Variants in SLC44A1 observed in about 807,000 individuals in gnomAD.
SLC44A1 encodes the protein solute carrier family 44 member 1.
Under a neutral mutation model 79.3 loss-of-function variants are expected in SLC44A1, and 26 were observed. The ratio of observed to expected loss-of-function variants is 0.33; its 90% CI spans 0.24 to 0.46. SLC44A1 has a LOEUF of 0.46. Among genes scored for constraint, SLC44A1 ranks in the 20% least tolerant of loss-of-function variants. The pLI is 1.00. For missense variants in SLC44A1, 688 were observed against 798.1 expected, an observed-to-expected ratio of 0.86 and a Z score of 1.66; for synonymous variants, 263 against 286.2, an observed-to-expected ratio of 0.92 and a Z score of 0.82.
At chr9:105,299,061 C>T (rs972728525) in intron 1 of SLC44A1, among the ~76,000 whole-genome samples, 159 bp from the exon 2 acceptor site, 2 of 152,142 alleles carry the variant, frequency 1.3e-5, no homozygotes, top group South Asian at 2.1e-4. Context: ...TTAGCATAAA[C>T]GTCACAGAAA....
At chr9:105,295,896 A>G (rs1830710721) in intron 1 of SLC44A1, among the ~76,000 whole-genome samples, 1 of 152,188 alleles carries the variant, frequency 6.6e-6, no homozygotes, top group Admixed American at 6.5e-5. Context: ...AGAAGACATA[A>G]TATTTGTAAA....
At chr9:105,300,392 C>T (rs968481774) in intron 2 of SLC44A1, among the ~76,000 whole-genome samples, 5 of 152,182 alleles carry the variant, frequency 3.3e-5, no homozygotes, top group African/African-American at 9.7e-5. Flanking sequence ...TAACCCCCTT[C>T]TTACTATACC....
chr9:105,360,612 T>C (rs992022782), intron 7 of SLC44A1, among the ~76,000 whole-genome samples: 3 of 152,204 alleles, frequency 2.0e-5, no homozygotes, highest in African/African-American at 7.2e-5. Flanking sequence ...GTTGGAGATT[T>C]AAAAATGCTT....
At chr9:105,436,737 T>C (rs921894097) in intron 15 of SLC44A1, among the ~76,000 whole-genome samples, 1 of 152,134 alleles carries the variant, frequency 6.6e-6, no homozygotes, top group Non-Finnish European at 1.5e-5. Context: ...GCCAAATGGA[T>C]TGAAGTTGGG....
intron 13 of SLC44A1, among the ~76,000 whole-genome samples, chr9:105,375,704 C>T (rs1828258175): frequency 6.6e-6 from 1 of 152,012 alleles, no homozygotes; most frequent in Admixed American, 6.6e-5. Context: ...CTTATACTTT[C>T]CTTAGAAGTG....
In SLC44A1 at chr9:105,324,250, A is replaced by AT. The variant is rs35532819; in HGVS notation, c.270-11296dup. Among the ~76,000 whole-genome samples the AT allele has an allele frequency of 2.9e-3, 382 of 132,598 alleles. 2 individuals carry two copies. Among genetic ancestry groups the AT allele is most frequent in the African/African-American group, 5.7e-3 (203 of 35,794 alleles). 87.0% of individuals were successfully genotyped at this position (132,598 alleles called of 152,430 possible). On this transcript the variant is annotated intron_variant, in intron 3 of 15. Transcript: ENST00000374720. The stretch of plus-strand genomic sequence containing the variant: ...ACAGGCGTGATTCACCGTGCCCGGA[A>AT]TTTTTTTTTTTTTTTTTAAAGACAG...
chr9:105,376,807 T>A (rs1828306117), intron 13 of SLC44A1, among the ~76,000 whole-genome samples: 1 of 152,248 alleles, frequency 6.6e-6, no homozygotes, highest in Admixed American at 6.5e-5. Flanking sequence ...GAAGGGCTTT[T>A]GTTAAGTGTT....
chr9:105,400,232 T>C (rs1828939226), downstream of SLC44A1, among the ~76,000 whole-genome samples: 1 of 152,014 alleles, frequency 6.6e-6, no homozygotes, highest in South Asian at 2.1e-4. Flanking sequence ...GGCTCATGCC[T>C]GTAATCCCAG....
chr9:105,312,283 A>G (rs1301880885), intron 3 of SLC44A1, among the ~76,000 whole-genome samples: 1 of 152,156 alleles, frequency 6.6e-6, no homozygotes, highest in Non-Finnish European at 1.5e-5. Context: ...CATAAATGTC[A>G]CTTCCCAGAG....
rs563042344 is a variant in SLC44A1, at chr9:105,285,561, G to A, written c.37-13659G>A. Among the ~76,000 whole-genome samples the A allele has an allele frequency of 9.2e-5, 14 of 152,320 alleles. No individual in the cohort carries two copies. The South Asian group carries it at 2.7e-3, about 29-fold the overall frequency. On this transcript the variant is annotated intron_variant, in intron 1 of 15. Transcript: ENST00000374720. ...TTTCACCTGGGTGCAGGCGGGCTGA[G>A]TCCGAAAAGAGTCAGCAAAGGGTGG... is the stretch of plus-strand genomic sequence containing the variant.
intron 4 of SLC44A1, among the ~76,000 whole-genome samples, chr9:105,340,621 C>T (rs141012272): frequency 6.6e-6 from 1 of 152,066 alleles, no homozygotes; most frequent in Non-Finnish European, 1.5e-5. Flanking sequence ...TAATTTTATA[C>T]CTTATTTTAA....
chr9:105,314,234 G>T (rs1017661131), intron 3 of SLC44A1, among the ~76,000 whole-genome samples: 1 of 152,150 alleles, frequency 6.6e-6, no homozygotes, highest in East Asian at 1.9e-4. Flanking sequence ...GAAGATTGGG[G>T]TGAGGGCAGG....
At chr9:105,285,524 C>A (rs899758006) in intron 1 of SLC44A1, among the ~76,000 whole-genome samples, 3 of 152,182 alleles carry the variant, frequency 2.0e-5, no homozygotes, top group Admixed American at 1.3e-4. Flanking sequence ...GTGTGAGCAA[C>A]AAGGCTGTTT....
chr9:105,378,206 G>A (rs769625471), intron 13 of SLC44A1, among the ~76,000 whole-genome samples: 6 of 152,192 alleles, frequency 3.9e-5, no homozygotes, highest in African/African-American at 7.2e-5. Flanking sequence ...CTGAGATAGC[G>A]CCACTGCACT....
intron 4 of SLC44A1, among the ~76,000 whole-genome samples, chr9:105,345,993 A>G (rs1358616297): frequency 9.2e-6 from 1 of 109,152 alleles, no homozygotes; most frequent in East Asian, 2.4e-4. Context: ...ACTTTCACTG[A>G]AAAAAAAAAA....
Position 105,392,420 on chromosome 9 carries a change from T to A in SLC44A1, c.*3364T>A. ...CTCTCTCTCTTTTTTTTTTTTTTTTTTTTTTTTTTTCCGTGAGGGCATTAG... is the reference window on the plus strand; with the variant it reads ...CTCTCTCTCTTTTTTTTTTTTTTTTATTTTTTTTTTCCGTGAGGGCATTAG... On this transcript the variant is annotated 3_prime_UTR_variant, in exon 16 of 16. Transcript: ENST00000374720. 1.0e-6 allele frequency: 1 copy of A among 980,012 alleles called. No individual in the cohort carries two copies. The highest frequency in any genetic ancestry group is 1.2e-6 in the Non-Finnish European group (1 of 827,878). The allele number at this position is 980,012 out of a possible 1,614,324, so 60.7% of individuals were successfully genotyped here. A position where few individuals can be genotyped will look rare whatever the true frequency, so the allele number is the denominator to read the frequency against.
Position 105,393,539 on chromosome 9 carries a change from T to G in SLC44A1, c.*4483T>G. On this transcript the variant is annotated 3_prime_UTR_variant, in exon 16 of 16. Coordinates refer to ENST00000374720, the MANE Select transcript of SLC44A1 (RefSeq NM_080546.5). ...AATTTTAATCCAAGATTTAAATCTT[T>G]GAAAATATCTTTCTTATAGAAAACT... is the stretch of plus-strand genomic sequence containing the variant. 1 of 924,440 alleles carries G rather than the reference T, an allele frequency of 1.1e-6. No homozygotes were observed. The highest frequency in any genetic ancestry group is 1.3e-6 in the Non-Finnish European group (1 of 774,456). The allele number at this position is 924,440 out of a possible 1,614,324, so 57.3% of individuals were successfully genotyped here. A position where few individuals can be genotyped will look rare whatever the true frequency, so the allele number is the denominator to read the frequency against.
At chr9:105,367,203 T>A (rs1461220686) in intron 12 of SLC44A1, among the ~76,000 whole-genome samples, 2 of 152,180 alleles carry the variant, frequency 1.3e-5, no homozygotes, top group Non-Finnish European at 2.9e-5. Flanking sequence ...CCTCATCTAA[T>A]AGGCCAGAGA....
chr9:105,379,848 C>T lies in SLC44A1; in HGVS notation c.1633-3275C>T, dbSNP rs73512089. On this transcript the variant is annotated intron_variant, in intron 13 of 15. Coordinates refer to ENST00000374720, the MANE Select transcript of SLC44A1 (RefSeq NM_080546.5). ...ATTCCTTTGCTTCTGTGTGAAATTA[C>T]TTTACTTCCATTTGGTAATATCTTT... Among the ~76,000 whole-genome samples, 187 of 152,282 alleles carry T rather than the reference C, an allele frequency of 1.2e-3. 1 individual carries two copies. Among genetic ancestry groups the T allele is most frequent in the Middle Eastern group, 0.01 (3 of 294 alleles).
Sources: allele counts gnomAD v4.1 joint callset (sites outside exome capture counted in the v4.1 genomes callset), GRCh38; gene constraint gnomAD v4.1.1; transcripts MANE v1.5; gene names NCBI Gene and HGNC (gene_info 2026-07-23, HGNC 2026-07-21).